The following AFG2A variants were observed in gnomAD, a reference collection of about 807,000 sequenced individuals.
AFG2A encodes the protein ATPase family gene 2 protein homolog A.
chr4:123,054,345 C>T, the AFG2A span, among the ~76,000 whole-genome samples: 2 of 151,534 alleles, frequency 1.3e-5, no homozygotes, highest in Non-Finnish European at 2.9e-5. Flanking sequence ...CCTTCTATTT[C>T]GCCATCTTGG....
chr4:123,184,779 G>T, the AFG2A span, among the ~76,000 whole-genome samples: 1 of 151,344 alleles, frequency 6.6e-6, no homozygotes, highest in African/African-American at 2.4e-5. Context: ...CTCGTGATCC[G>T]CCCGCCTAGG....
the AFG2A span, chr4:122,933,466 A>C: frequency 6.2e-7 from 1 of 1,612,444 alleles, no homozygotes; most frequent in Non-Finnish European, 8.5e-7. Context: ...TTAATGAAGA[A>C]GAACTGACTG....
At chr4:122,989,325 C>T in the AFG2A span, among the ~76,000 whole-genome samples, 1 of 151,992 alleles carries the variant, frequency 6.6e-6, no homozygotes, top group Non-Finnish European at 1.5e-5. Context: ...CCTTGGGTAT[C>T]TTGGTTTGTT....
chr4:123,243,735 T>TA, the AFG2A span, among the ~76,000 whole-genome samples: 3,575 of 150,524 alleles, frequency 0.024, 72 homozygotes, highest in African/African-American at 0.056. Context: ...ACCCTGTAAT[T>TA]AAAAAAAAAA....
chr4:123,077,633 G>A, the AFG2A span, among the ~76,000 whole-genome samples: 18 of 152,124 alleles, frequency 1.2e-4, no homozygotes, highest in African/African-American at 3.9e-4. Context: ...TGCACATCTG[G>A]TAGGTTGCAT....
At chr4:123,089,865 G>A in the AFG2A span, among the ~76,000 whole-genome samples, 1 of 152,080 alleles carries the variant, frequency 6.6e-6, no homozygotes, top group Admixed American at 6.5e-5. Context: ...TTACAGACGT[G>A]AGCCACTGCG....
chr4:123,264,545 T>C, the AFG2A span, among the ~76,000 whole-genome samples: 1 of 152,154 alleles, frequency 6.6e-6, no homozygotes, highest in Non-Finnish European at 1.5e-5. Flanking sequence ...GTTTAGTGGC[T>C]AAAATATGGC....
At chr4:123,077,557 G>A in the AFG2A span, among the ~76,000 whole-genome samples, 1 of 152,132 alleles carries the variant, frequency 6.6e-6, no homozygotes, top group Non-Finnish European at 1.5e-5. Context: ...ATATCTGTAT[G>A]TTTGTATCAG....
the AFG2A span, among the ~76,000 whole-genome samples, chr4:123,285,944 A>G: frequency 9.9e-5 from 15 of 152,180 alleles, no homozygotes; most frequent in African/African-American, 3.6e-4. Flanking sequence ...TAGTGCTAAT[A>G]GTGCTATTAT....
chr4:123,084,588 A>ATG, the AFG2A span, among the ~76,000 whole-genome samples: 37 of 112,186 alleles, frequency 3.3e-4, no homozygotes, highest in Non-Finnish European at 5.7e-4. Flanking sequence ...TAGTATATAT[A>ATG]TATGTGTGTG....
chr4:123,151,878 T>C, the AFG2A span, among the ~76,000 whole-genome samples: 1 of 152,148 alleles, frequency 6.6e-6, no homozygotes, highest in Admixed American at 6.5e-5. Context: ...AACCAACCCA[T>C]ATGCCCATCA....
At chr4:122,942,180 A>G in the AFG2A span, among the ~76,000 whole-genome samples, 1,505 of 149,924 alleles carry the variant, frequency 0.01, 21 homozygotes, top group African/African-American at 0.035. Context: ...CTCTTTTTCT[A>G]TTGATTGGAA....
chr4:123,162,000 G>A, the AFG2A span, among the ~76,000 whole-genome samples: 1 of 146,226 alleles, frequency 6.8e-6, no homozygotes, highest in Non-Finnish European at 1.5e-5. Context: ...TCTGCAAGTG[G>A]TGAGTTCCTG....
the AFG2A span, among the ~76,000 whole-genome samples, chr4:123,079,042 G>T: frequency 3.3e-5 from 5 of 152,150 alleles, no homozygotes; most frequent in Non-Finnish European, 5.9e-5. Flanking sequence ...GGGGAATGGT[G>T]TTAGGAATGA....
the AFG2A span, among the ~76,000 whole-genome samples, chr4:123,167,606 C>CA: frequency 6.6e-6 from 1 of 152,194 alleles, no homozygotes; most frequent in Non-Finnish European, 1.5e-5. Flanking sequence ...CTCGGCCTCC[C>CA]AAAGTGCTGG....
the AFG2A span, among the ~76,000 whole-genome samples, chr4:123,247,738 A>G: frequency 6.6e-6 from 1 of 152,042 alleles, no homozygotes; most frequent in Non-Finnish European, 1.5e-5. Context: ...AGCCTGATTG[A>G]TTTTGATCTC....
chr4:122,939,777 G>A, the AFG2A span, among the ~76,000 whole-genome samples: 264 of 151,892 alleles, frequency 1.7e-3, 2 homozygotes, highest in East Asian at 0.027. Context: ...GCTATCCCTC[G>A]CCCCTCCCCC....
chr4:122,960,222 C>G, the AFG2A span, among the ~76,000 whole-genome samples: 1 of 152,134 alleles, frequency 6.6e-6, no homozygotes, highest in Non-Finnish European at 1.5e-5. Flanking sequence ...GGCTGCCTTT[C>G]TAATTAATTA....
chr4:123,121,603 G>A, the AFG2A span, among the ~76,000 whole-genome samples: 1 of 152,188 alleles, frequency 6.6e-6, no homozygotes, highest in African/African-American at 2.4e-5. Context: ...TGCCTACAGT[G>A]TTGAATACAG....
Sources: gnomAD v4.1 joint callset for allele counts (sites outside exome capture counted in the v4.1 genomes callset) on GRCh38, gnomAD v4.1.1 for gene constraint, MANE v1.5 for transcripts, NCBI Gene and HGNC (gene_info 2026-07-23, HGNC 2026-07-21) for gene names.